Variants in TMEM63A observed in about 807,000 individuals in gnomAD.
TMEM63A encodes mechanosensitive cation channel TMEM63A.
Under a neutral mutation model 100.6 loss-of-function variants are expected in TMEM63A, and 76 were observed. That is an observed-to-expected ratio of 0.76 (90% CI 0.63 to 0.91). The LOEUF (loss-of-function observed/expected upper bound fraction) is 0.91. Ranked by LOEUF, TMEM63A falls within the 40% of genes least tolerant of loss-of-function variation. The pLI, the probability that TMEM63A is intolerant of heterozygous loss-of-function variation, is 0.00. For missense variants in TMEM63A, 876 were observed against 1,008.8 expected (o/e 0.87, Z 1.78); for synonymous variants, 401 against 401.1 (o/e 1.00, Z 0.00).
rs141161871 is a variant in TMEM63A, at chr1:225,856,967, C to T, written c.1428G>A (p.Ser476=). The T allele has an allele frequency of 2.7e-5, 44 of 1,601,020 alleles. No individual in the cohort carries two copies. The highest frequency in any genetic ancestry group is 2.3e-4 in the African/African-American group (17 of 73,950). Residue 476 remains serine (S), a synonymous_variant, in exon 16 of 25, where the codon TCG becomes TCA. Coordinates refer to ENST00000366835, the MANE Select transcript of TMEM63A (RefSeq NM_014698.3). The stretch of plus-strand genomic sequence containing the variant: ...AGTAGACAATGGAGGGGAGCAGGGC[C>T]GAGAAGGACCAGAGCAGGAGGGTGG... ...FFPTLLLWSF[S]ALLPSIVYYS...
intron 20 of TMEM63A, among the ~76,000 whole-genome samples, chr1:225,850,669 A>T (rs901236945): frequency 1.3e-5 from 2 of 152,222 alleles, no homozygotes; most frequent in Admixed American, 1.3e-4. Context: ...CTCAGGCTGC[A>T]GAGCCCCTTA....
chr1:225,851,682 T>A (rs1217794959), intron 20 of TMEM63A, among the ~76,000 whole-genome samples: 1 of 152,250 alleles, frequency 6.6e-6, no homozygotes, highest in East Asian at 1.9e-4. Context: ...GGTTCTTTTT[T>A]AAAAAATAAA....
At chr1:225,864,478 G>A (rs1018491431) in intron 10 of TMEM63A, 9 of 152,100 alleles carry the variant, frequency 5.9e-5, no homozygotes, top group Non-Finnish European at 1.3e-4. Context: ...CTTAAAATAG[G>A]GGAAAGCATG....
rs1315658196 is a variant in TMEM63A, at chr1:225,859,306, G to A, written c.1267C>T (p.Leu423=). 6.2e-7 allele frequency: 1 copy of A among 1,614,154 alleles called. No homozygotes were observed. The highest frequency in any genetic ancestry group is 8.5e-7 in the Non-Finnish European group (1 of 1,180,036). Residue 423 remains leucine, a synonymous_variant, in exon 15 of 25, where the codon CTG becomes TTG. Coordinates refer to ENST00000366835, the MANE Select transcript of TMEM63A (RefSeq NM_014698.3). ...AGGAAGAGGGTGAAGTTGATGCCCA[G>A]CCACTGTAGCCACCAGCGGAGGCCC... ...IQGLRWWLQW[L]GINFTLFLGL...
At chr1:225,847,251 A>G in intron 23 of TMEM63A, 38 bp from the exon 24 acceptor site, 2 of 1,598,908 alleles carry the variant, frequency 1.3e-6, no homozygotes, top group Non-Finnish European at 1.7e-6. Context: ...CTGGACAGGC[A>G]TGAGCTTCCA....
rs140362295 is a variant in TMEM63A at position 225,877,512 on chromosome 1, G to A, written c.69C>T (p.Leu23=). 6.6e-5 allele frequency: 107 copies of A among 1,614,038 alleles called. No homozygotes were observed. The highest frequency in any genetic ancestry group is 8.1e-5 in the Non-Finnish European group (95 of 1,180,032). The change falls in exon 3 of 25, where the codon CTC becomes CTT. Residue 23 remains leucine (L), a synonymous_variant. Transcript: ENST00000366835. ...KAVSIREQLG[L]GDRPNDSYCY... is the part of the protein sequence containing the mutation. ...AATAGGAGTCGTTGGGCCGGTCCCC[G>A]AGTCCCAGCTGCTCCCTGATGGACA...
At chr1:225,848,456 G>T in intron 23 of TMEM63A, 36 bp downstream of exon 23, 3 of 1,609,828 alleles carry the variant, frequency 1.9e-6, no homozygotes, top group Non-Finnish European at 2.5e-6. Flanking sequence ...GCAAAAAAAA[G>T]GGCGACAAGC....
rs1321525400 is a variant in TMEM63A, at chr1:225,853,590, G to C, written c.1797+39C>G. 1 of 1,489,984 alleles carries C rather than the reference G, an allele frequency of 6.7e-7. No individual in the cohort carries two copies. Among genetic ancestry groups the C allele is most frequent in the Non-Finnish European group, 8.9e-7 (1 of 1,119,256 alleles). 92.3% of individuals were successfully genotyped at this position (1,489,984 alleles called of 1,614,324 possible). ...CGGGTCAGTGAAGGGGGACATGGGA[G>C]GGAGTCAGAGGCACAGCCCTGGGCC... On this transcript the variant is annotated intron_variant, in intron 19 of 24. Transcript: ENST00000366835. This position sits in a 1 kb window ranked among gnomAD's most constrained non-coding sequence, Gnocchi z 4.0.
At chr1:225,847,336 C>G in intron 23 of TMEM63A, 123 bp from the exon 24 acceptor site, 1 of 1,252,318 alleles carries the variant, frequency 8.0e-7, no homozygotes, top group Non-Finnish European at 1.1e-6. Context: ...TGAAGAAACA[C>G]CGACATCCAT....
At chr1:225,861,336 T>C (rs1288591238) in intron 13 of TMEM63A, 1 of 174,790 alleles carries the variant, frequency 5.7e-6, no homozygotes, top group Non-Finnish European at 1.2e-5. Flanking sequence ...GGCCAGTGGC[T>C]CAACTTTTCA....
rs1169909794 is a variant in TMEM63A, at chr1:225,853,688, G to A, written c.1738C>T (p.Leu580Phe). ...MELLRLPGLI[L>F]YTFRMIMAKT... Reference sequence around the variant, plus strand: ...GCCATGATCATGCGGAAGGTATAGAGGATGAGACCTGGCAGCCGCAGCAGC... The same window carrying A: ...GCCATGATCATGCGGAAGGTATAGAAGATGAGACCTGGCAGCCGCAGCAGC... Residue 580 changes from leucine to phenylalanine, a missense_variant, in exon 19 of 25, where the codon CTC becomes TTC. Coordinates refer to ENST00000366835, the MANE Select transcript of TMEM63A (RefSeq NM_014698.3). The surrounding 1 kb of genome is among the most constrained non-coding windows in gnomAD (Gnocchi z 4.0). 2 of 1,587,278 alleles carry A rather than the reference G, an allele frequency of 1.3e-6. No homozygotes were observed. Among genetic ancestry groups the A allele is most frequent in the Admixed American group, 1.8e-5 (1 of 55,390 alleles).
In TMEM63A at chr1:225,865,657, T is replaced by G. The variant is rs903456813; in HGVS notation, c.746+240A>C. 4 of 524,060 alleles carry G rather than the reference T, an allele frequency of 7.6e-6. No homozygotes were observed. The Admixed American group carries it at 9.4e-5, about 12-fold the overall frequency. 32.5% of individuals were successfully genotyped at this position (524,060 alleles called of 1,614,324 possible). A position where few individuals can be genotyped will look rare whatever the true frequency, so the allele number is the denominator to read the frequency against. On this transcript the variant is annotated intron_variant, in intron 10 of 24. Coordinates refer to ENST00000366835, the MANE Select transcript of TMEM63A (RefSeq NM_014698.3). This position sits in a 1 kb window ranked among gnomAD's most constrained non-coding sequence, Gnocchi z 4.6. ...ACACCCTGGTCTGTGCTCTGGACAC[T>G]GTGCACAGGCTGCTTGAAGAGGATA...
rs1043033930 is a variant in TMEM63A, at chr1:225,867,592, A to C, written c.514+296T>G. ...TGGGTCCATTAATTGTGACCTCCTAATTTGGGTGAGGGCAGGAAAGTATAA... is the reference window on the plus strand; with the variant it reads ...TGGGTCCATTAATTGTGACCTCCTACTTTGGGTGAGGGCAGGAAAGTATAA... On this transcript the variant is annotated intron_variant, in intron 7 of 24. Coordinates refer to ENST00000366835, the MANE Select transcript of TMEM63A (RefSeq NM_014698.3). The surrounding 1 kb of genome is among the most constrained non-coding windows in gnomAD (Gnocchi z 4.6). Among the ~76,000 whole-genome samples, 3 of 152,014 alleles carry C rather than the reference A, an allele frequency of 2.0e-5. No homozygotes were observed. The highest frequency in any genetic ancestry group is 4.4e-5 in the Non-Finnish European group (3 of 67,992).
At position 225,871,014 on chromosome 1, in the gene TMEM63A, G is replaced by T. The variant is rs895234230; in HGVS notation, c.371+62C>A. On this transcript the variant is annotated intron_variant, in intron 6 of 24. Coordinates refer to ENST00000366835, the MANE Select transcript of TMEM63A (RefSeq NM_014698.3). ...GCATCTTGGCTCTTGCCTCTTGACT[G>T]GCCAAACACCCAAAAAAACCAGCCC... 5.1e-6 allele frequency: 8 copies of T among 1,573,546 alleles called. No individual in the cohort carries two copies. The African/African-American group carries it at 1.1e-4, about 21-fold the overall frequency.
rs1049756338 is a variant in TMEM63A, at chr1:225,863,743, G to A, written c.747-892C>T. ...ACCAGCCTGGCCAATGTGGTGAAACGCTGTCTCTACTAAAAATACAAAAAT... is the reference window on the plus strand; with the variant it reads ...ACCAGCCTGGCCAATGTGGTGAAACACTGTCTCTACTAAAAATACAAAAAT... On this transcript the variant is annotated intron_variant, in intron 10 of 24. Transcript: ENST00000366835. Among the ~76,000 whole-genome samples the A allele has an allele frequency of 4.6e-5, 7 of 151,692 alleles. No individual in the cohort carries two copies. In the East Asian group the frequency reaches 5.8e-4, roughly 13 times the overall value.
downstream of TMEM63A, among the ~76,000 whole-genome samples, chr1:225,843,697 T>C (rs80269059): frequency 0.06 from 9,132 of 152,240 alleles, 350 homozygotes; most frequent in African/African-American, 0.11. Context: ...ATCTGTGTTC[T>C]AGAAAGAACA....
chr1:225,871,024 C>G (rs1297549793), intron 6 of TMEM63A, 52 bp downstream of exon 6: 5 of 1,604,576 alleles, frequency 3.1e-6, no homozygotes, highest in Non-Finnish European at 4.3e-6. Flanking sequence ...GGCCAAACAC[C>G]CAAAAAAACC....
At chr1:225,851,707 T>C (rs1669350302) in intron 20 of TMEM63A, among the ~76,000 whole-genome samples, 1 of 152,216 alleles carries the variant, frequency 6.6e-6, no homozygotes, top group African/African-American at 2.4e-5. Context: ...GTTTTGAAAG[T>C]GTAAATACTG....
chr1:225,859,378 G>A (rs759369295), intron 14 of TMEM63A, 29 bp from the exon 15 acceptor site: 37 of 1,611,702 alleles, frequency 2.3e-5, no homozygotes, highest in African/African-American at 2.7e-5. Flanking sequence ...TACAGGTCTC[G>A]AGGCTTGTCT....
Sources: gnomAD v4.1 joint callset for allele counts (sites outside exome capture counted in the v4.1 genomes callset) on GRCh38, gnomAD v4.1.1 for gene constraint, Gnocchi (gnomAD v3.1) non-coding constraint, MANE v1.5 for transcripts, NCBI Gene and HGNC (gene_info 2026-07-23, HGNC 2026-07-21) for gene names.